Variants in LARGE2 observed in about 807,000 individuals in gnomAD.
LARGE2 encodes LARGE xylosyl- and glucuronyltransferase 2.
LARGE2 carries 63 observed loss-of-function variants against 75.3 expected under a neutral mutation model. That is an observed-to-expected ratio of 0.84 (90% CI 0.68 to 1.03). The LOEUF (loss-of-function observed/expected upper bound fraction) is 1.03, where lower values mean the gene tolerates loss of function less well. Among genes scored for constraint, LARGE2 ranks in the 50% least tolerant of loss-of-function variants. The pLI is 0.00. For synonymous variants in LARGE2, 428 were observed against 420.1 expected (o/e 1.02, Z -0.23); for missense variants, 925 against 980.6 (o/e 0.94, Z 0.76).
Position 45,922,833 on chromosome 11 carries a change from A to G in LARGE2, c.-50A>G, listed in dbSNP as rs2086969415. On this transcript the variant is annotated 5_prime_UTR_variant, in exon 2 of 14. Transcript: ENST00000401752. ...CCTCGGTCCGCAGGGCCTGCGATGG[A>G]GCCTGCAGCCCCGGGTCGCGTCCCT... is the stretch of plus-strand genomic sequence containing the variant. 2 of 1,225,020 alleles carry G rather than the reference A, an allele frequency of 1.6e-6. No individual in the cohort carries two copies. Among genetic ancestry groups the G allele is most frequent in the Non-Finnish European group, 2.0e-6 (2 of 980,936 alleles). 75.9% of individuals were successfully genotyped at this position (1,225,020 alleles called of 1,614,324 possible). A position where few individuals can be genotyped will look rare whatever the true frequency, so the allele number is the denominator to read the frequency against.
chr11:45,926,252 C>G lies in LARGE2; in HGVS notation c.913C>G (p.Pro305Ala), dbSNP rs765031573. The G allele has an allele frequency of 6.2e-7, 1 of 1,614,138 alleles. No individual in the cohort carries two copies. Among genetic ancestry groups the G allele is most frequent in the Non-Finnish European group, 8.5e-7 (1 of 1,180,006 alleles). The change falls in exon 8 of 14, where the codon CCG becomes GCG. Residue 305 changes from proline (P) to alanine (A), a missense_variant. Coordinates refer to ENST00000401752, the MANE Select transcript of LARGE2 (RefSeq NM_001300721.2). Reference sequence around the variant, plus strand: ...CTTCAACGCTGTGATCAAGGAGCACCCGGGGCTAGTGCAGCGTCTGCCTTG... The same window carrying G: ...CTTCAACGCTGTGATCAAGGAGCACGCGGGGCTAGTGCAGCGTCTGCCTTG... ...DIFNAVIKEH[P>A]GLVQRLPCVW...
chr11:45,923,393 C>T, intron 2 of LARGE2, 80 bp from the exon 3 acceptor site: 2 of 1,392,212 alleles, frequency 1.4e-6, no homozygotes, highest in Non-Finnish European at 1.0e-6. Context: ...GGCTCTGCTG[C>T]GGGGTGGGGC....
intron 4 of LARGE2, 27 bp from the exon 5 acceptor site, chr11:45,924,479 C>G (rs376710862): frequency 4.1e-5 from 65 of 1,604,808 alleles, no homozygotes; most frequent in Non-Finnish European, 5.4e-5. Context: ...TCTCTGCCAT[C>G]TCATCTCCTG....
In LARGE2 at chr11:45,927,704, G is replaced by C; in HGVS notation, c.1604+111G>C. ...TCCTTTCTGGGCCTCAGTGGCCTCT[G>C]TCAATTGGGGTTTGTATTAGGCTGT... is the stretch of plus-strand genomic sequence containing the variant. On this transcript the variant is annotated intron_variant, in intron 11 of 13. Coordinates refer to ENST00000401752, the MANE Select transcript of LARGE2 (RefSeq NM_001300721.2). 3 of 1,501,882 alleles carry C rather than the reference G, an allele frequency of 2.0e-6. No homozygotes were observed. In the South Asian group the frequency reaches 3.5e-5, roughly 17 times the overall value. The allele number at this position is 1,501,882 out of a possible 1,614,324, so 93.0% of individuals were successfully genotyped here.
At chr11:45,923,830 C>CA (rs2087023983) in intron 3 of LARGE2, among the ~76,000 whole-genome samples, 1 of 150,974 alleles carries the variant, frequency 6.6e-6, no homozygotes, top group Non-Finnish European at 1.5e-5. Flanking sequence ...ACTAAAAATA[C>CA]AAAAAATTAG....
chr11:45,924,149 A>C lies in LARGE2; in HGVS notation c.369-5A>C. 6.2e-7 allele frequency: 1 copy of C among 1,609,524 alleles called. No individual in the cohort carries two copies. The highest frequency in any genetic ancestry group is 8.5e-7 in the Non-Finnish European group (1 of 1,179,956). On this transcript the variant is annotated splice_polypyrimidine_tract_variant and splice_region_variant and intron_variant, in intron 3 of 13. Coordinates refer to ENST00000401752, the MANE Select transcript of LARGE2 (RefSeq NM_001300721.2). The stretch of plus-strand genomic sequence containing the variant: ...TCTCAGGCTTCCTCTTTGCCCACCC[A>C]AAAGGAAAAATCCACTGCACCTCCA...
Position 45,924,547 on chromosome 11 carries a change from C to G in LARGE2, c.534C>G (p.Leu178=), listed in dbSNP as rs370021898. ...TCCCCAACAAGCACTACTCCGGCCTCTATGGGCTAATGAAGCTGGTGCTGC... is the reference window on the plus strand; with the variant it reads ...TCCCCAACAAGCACTACTCCGGCCTGTATGGGCTAATGAAGCTGGTGCTGC... ...SWIPNKHYSG[L]YGLMKLVLPS... is the part of the protein sequence containing the mutation. The change falls in exon 5 of 14, where the codon CTC becomes CTG. Residue 178 remains leucine (L), a synonymous_variant. Transcript: ENST00000401752. 9.3e-6 allele frequency: 15 copies of G among 1,613,742 alleles called. No individual in the cohort carries two copies. The highest frequency in any genetic ancestry group is 1.2e-5 in the Non-Finnish European group (14 of 1,180,038).
intron 13 of LARGE2, 110 bp from the exon 14 acceptor site, chr11:45,928,520 C>G (rs934854260): frequency 6.5e-7 from 1 of 1,535,838 alleles, no homozygotes; most frequent in African/African-American, 1.4e-5. Context: ...TGCCCTTTGG[C>G]CCTTGCTTTA....
Position 45,927,941 on chromosome 11 carries a change from G to A in LARGE2, c.1626G>A (p.Gly542=). Residue 542 remains glycine, a synonymous_variant, in exon 12 of 14, where the codon GGG becomes GGA. Coordinates refer to ENST00000401752, the MANE Select transcript of LARGE2 (RefSeq NM_001300721.2). ...TCAGGGCCTCCATTGAGCAGCTGGG[G>A]CTGGGCAGCCGGCGCAAGGCAGCAC... The part of the protein sequence containing the change: ...DYLRASIEQL[G]LGSRRKAALV... 1 of 1,613,440 alleles carries A rather than the reference G, an allele frequency of 6.2e-7. No homozygotes were observed. Among genetic ancestry groups the A allele is most frequent in the African/African-American group, 1.3e-5 (1 of 75,052 alleles).
At position 45,924,227 on chromosome 11, in the gene LARGE2, T is replaced by C. The variant is rs770535694; in HGVS notation, c.442T>C (p.Trp148Arg). Residue 148 changes from tryptophan to arginine, a missense_variant, in exon 4 of 14, where the codon TGG becomes CGG. By Grantham distance (101) the Trp-to-Arg change is moderately radical. Coordinates refer to ENST00000401752, the MANE Select transcript of LARGE2 (RefSeq NM_001300721.2). Reference protein sequence around the residue: ...RNILETLFHTWMVPAVRVSFY... With the variant: ...RNILETLFHTRMVPAVRVSFY... ...CATCCTGGAGACGCTCTTCCACACA[T>C]GGATGGTGCCTGCTGTCCGTGTCAG... 2.5e-6 allele frequency: 4 copies of C among 1,613,578 alleles called. No homozygotes were observed. Among genetic ancestry groups the C allele is most frequent in the Non-Finnish European group, 3.4e-6 (4 of 1,180,006 alleles).
chr11:45,923,003 C>T lies in LARGE2; in HGVS notation c.121C>T (p.Arg41Ter). 5.2e-6 allele frequency: 7 copies of T among 1,346,806 alleles called. No individual in the cohort carries two copies. The highest frequency in any genetic ancestry group is 6.6e-6 in the Non-Finnish European group (7 of 1,053,970). 83.4% of individuals were successfully genotyped at this position (1,346,806 alleles called of 1,614,324 possible). ...LGCERREPGG[R>*]AGAPGCFPGP... ...GTGTGAGCGCCGCGAGCCTGGCGGG[C>T]GAGCGGGGGCCCCGGGATGCTTCCC... Residue 41 changes from arginine (R) to a stop codon, truncating the protein, a stop_gained, in exon 2 of 14, where the codon CGA becomes TGA. Coordinates refer to ENST00000401752, the MANE Select transcript of LARGE2 (RefSeq NM_001300721.2). LOFTEE classifies it high-confidence loss of function.
chr11:45,926,378 G>A (rs772484078), intron 8 of LARGE2, 31 bp downstream of exon 8: 3 of 1,613,822 alleles, frequency 1.9e-6, no homozygotes, highest in Non-Finnish European at 2.5e-6. Flanking sequence ...TGTGGTGGTG[G>A]GGGGCCATGG....
intron 6 of LARGE2, among the ~76,000 whole-genome samples, chr11:45,925,446 A>C (rs575647303): frequency 2.6e-5 from 4 of 152,300 alleles, no homozygotes; most frequent in Non-Finnish European, 5.9e-5. Context: ...ACTTGAGGTC[A>C]GGAGTTCGAG....
At chr11:45,923,985 C>CAAAAAAAAAA (rs60577963) in intron 3 of LARGE2, among the ~76,000 whole-genome samples, 169 bp from the exon 4 acceptor site, 7 of 69,530 alleles carry the variant, frequency 1.0e-4, no homozygotes, top group African/African-American at 3.2e-4. Flanking sequence ...GACTCCGTCT[C>CAAAAAAAAAA]AAAAAAAAAA....
At position 45,928,938 on chromosome 11, in the gene LARGE2, T is replaced by C; in HGVS notation, c.*93T>C. On this transcript the variant is annotated 3_prime_UTR_variant, in exon 14 of 14. Coordinates refer to ENST00000401752, the MANE Select transcript of LARGE2 (RefSeq NM_001300721.2). ...CCTGCTATTTAAATTATTTAAGGTCTCTGGGAAGGGCTGGGGCAGAGCATC... is the reference window on the plus strand; with the variant it reads ...CCTGCTATTTAAATTATTTAAGGTCCCTGGGAAGGGCTGGGGCAGAGCATC... 6.7e-7 allele frequency: 1 copy of C among 1,502,074 alleles called. No individual in the cohort carries two copies. The highest frequency in any genetic ancestry group is 9.0e-7 in the Non-Finnish European group (1 of 1,108,652). 93.0% of individuals were successfully genotyped at this position (1,502,074 alleles called of 1,614,324 possible). A position where few individuals can be genotyped will look rare whatever the true frequency, so the allele number is the denominator to read the frequency against.
rs2087296864 is a variant in LARGE2, at chr11:45,928,053, ACT to A, written c.1743_1744del (p.Tyr582HisfsTer35). The A allele has an allele frequency of 1.2e-6, 2 of 1,613,398 alleles. No homozygotes were observed. The highest frequency in any genetic ancestry group is 1.3e-5 in the African/African-American group (1 of 74,720). On this transcript the variant is annotated frameshift_variant, in exon 12 of 14. Coordinates refer to ENST00000401752, the MANE Select transcript of LARGE2 (RefSeq NM_001300721.2). LOFTEE classifies it high-confidence loss of function. ...GCTGTTGGCCTTGCTGGATGCGGGC[ACT>A]CTCTACACCTTCAGGTAGGAGAGGC... ...VELLALLDAG[T>X]LYTFRYHEWP...
In LARGE2 at chr11:45,924,153, G is replaced by A. The variant is rs901835694; in HGVS notation, c.369-1G>A. ...AGGCTTCCTCTTTGCCCACCCAAAA[G>A]GAAAAATCCACTGCACCTCCACTTG... On this transcript the variant is annotated splice_acceptor_variant, in intron 3 of 13. Transcript: ENST00000401752. LOFTEE classifies it high-confidence loss of function. 1.3e-5 allele frequency: 21 copies of A among 1,610,132 alleles called. No homozygotes were observed. Among genetic ancestry groups the A allele is most frequent in the Non-Finnish European group, 1.8e-5 (21 of 1,179,934 alleles).
rs150501857 is a variant in LARGE2 at position 45,926,574 on chromosome 11, C to G, written c.1141C>G (p.Gln381Glu). ...LRRELFVCPS[Q>E]PPPGAEQLQQ... The stretch of plus-strand genomic sequence containing the variant: ...GAGAGAGCTCTTTGTGTGCCCCAGC[C>G]AGCCCCCACCTGGTGCTGAGCAGGT... Residue 381 changes from glutamine to glutamate, a missense_variant, in exon 9 of 14, where the codon CAG becomes GAG. This residue lies in a region of LARGE2 where 469 missense variants were observed against 503.8 expected (regional missense o/e 0.93). Coordinates refer to ENST00000401752, the MANE Select transcript of LARGE2 (RefSeq NM_001300721.2). 4.2e-4 allele frequency: 672 copies of G among 1,614,116 alleles called. 5 individuals are homozygous for G. In the African/African-American group the frequency reaches 8.0e-3, roughly 19 times the overall value.
intron 2 of LARGE2, 33 bp downstream of exon 2, chr11:45,923,200 T>C (rs530387868): frequency 1.2e-4 from 155 of 1,324,426 alleles, no homozygotes; most frequent in Non-Finnish European, 1.4e-4. Flanking sequence ...GCGGGAGTCC[T>C]GGGGGCGCCG....
Sources: allele counts gnomAD v4.1 joint callset (sites outside exome capture counted in the v4.1 genomes callset), GRCh38; gene constraint gnomAD v4.1.1; regional missense constraint gnomAD v4.1.1; transcripts MANE v1.5; gene names NCBI Gene and HGNC (gene_info 2026-07-23, HGNC 2026-07-21).